CPS1: variants seen among roughly 807,000 people sequenced by gnomAD.
CPS1 encodes carbamoyl-phosphate synthase 1.
Under a neutral mutation model 174.6 loss-of-function variants are expected in CPS1, and 109 were observed. That is an observed-to-expected ratio of 0.62 (90% CI 0.53 to 0.73). The LOEUF (loss-of-function observed/expected upper bound fraction) is 0.73, where lower values mean the gene tolerates loss of function less well. CPS1 is among the 30% of genes least tolerant of loss of function. The pLI, the probability that CPS1 is intolerant of heterozygous loss-of-function variation, is 0.00. For synonymous variants in CPS1, 637 were observed against 632.0 expected (o/e 1.01, Z -0.12); for missense variants, 1,689 against 1,821.9 (o/e 0.93, Z 1.33).
intron 17 of CPS1, 77 bp downstream of exon 17, chr2:210,605,323 T>G (rs1698870770): frequency 1.3e-6 from 2 of 1,522,482 alleles, no homozygotes; most frequent in Middle Eastern, 1.7e-4. Context: ...CTTTATAAAG[T>G]TGTTGCCTTT....
intron 29 of CPS1, 22 bp from the exon 30 acceptor site, chr2:210,656,503 C>T: frequency 8.0e-7 from 1 of 1,253,844 alleles, no homozygotes; most frequent in African/African-American, 1.7e-5. Flanking sequence ...TTCTAAAATC[C>T]TTTTTTTTTT....
intron 1 of CPS1, among the ~76,000 whole-genome samples, chr2:210,544,861 CT>C (rs1387003488): frequency 6.6e-5 from 10 of 151,800 alleles, no homozygotes; most frequent in Non-Finnish European, 1.5e-5. Context: ...AATACGTTGA[CT>C]TTGAGAATTT....
chr2:210,616,469 A>G lies in CPS1; in HGVS notation c.2615A>G (p.Tyr872Cys). ...CTTGATGAGATTGAGAAGCTCACAT[A>G]CATTGACAAGTGGTTTTTGTATAAG... ...MSLDEIEKLT[Y>C]IDKWFLYKMR... Residue 872 changes from tyrosine (Y) to cysteine (C), a missense_variant, in exon 21 of 38, where the codon TAC (tyrosine) becomes TGC (cysteine). Physicochemically the swap from Tyr to Cys is radical, Grantham distance 194. Coordinates refer to ENST00000233072, the MANE Select transcript of CPS1 (RefSeq NM_001875.5). 6.2e-7 allele frequency: 1 copy of G among 1,612,478 alleles called. No individual in the cohort carries two copies. Among genetic ancestry groups the G allele is most frequent in the Admixed American group, 1.7e-5 (1 of 59,860 alleles).
At chr2:210,595,645 TATA>T (rs1214544693) in intron 13 of CPS1, 63 bp downstream of exon 13, 2 of 1,141,046 alleles carry the variant, frequency 1.8e-6, no homozygotes, top group African/African-American at 3.1e-5. Flanking sequence ...ATTAGTATTT[TATA>T]ATTTAGATTT....
intron 34 of CPS1, among the ~76,000 whole-genome samples, chr2:210,670,316 A>T (rs993794220): frequency 6.6e-6 from 1 of 152,152 alleles, no homozygotes; most frequent in Non-Finnish European, 1.5e-5. Flanking sequence ...TCATTACTAT[A>T]TGTAGGATTT....
chr2:210,584,880 A>G (rs1011533163), intron 6 of CPS1, among the ~76,000 whole-genome samples: 22 of 152,002 alleles, frequency 1.4e-4, no homozygotes, highest in African/African-American at 4.3e-4. Flanking sequence ...CCAATTTTCT[A>G]TTTGGCCTGC....
At chr2:210,486,474 C>T (rs184964810) in intron 1 of CPS1, among the ~76,000 whole-genome samples, 37 of 152,198 alleles carry the variant, frequency 2.4e-4, no homozygotes, top group Non-Finnish European at 4.0e-4. Context: ...TATCATCTTA[C>T]GTTTTATATC....
intron 15 of CPS1, among the ~76,000 whole-genome samples, chr2:210,601,695 T>C (rs1698731695): frequency 6.6e-6 from 1 of 151,584 alleles, no homozygotes; most frequent in South Asian, 2.1e-4. Context: ...TTCTGTAAGT[T>C]AAAAAAAAGA....
At chr2:210,634,882 A>C (rs1027993535) in intron 21 of CPS1, among the ~76,000 whole-genome samples, 1 of 152,150 alleles carries the variant, frequency 6.6e-6, no homozygotes, top group Non-Finnish European at 1.5e-5. Context: ...GCTCTCAAAC[A>C]ATAGCCAATA....
rs2105956382 is a variant in CPS1, at chr2:210,495,745, A to G, written c.3+17979A>G. On this transcript the variant is annotated intron_variant, in intron 1 of 38. Coordinates refer to the CPS1 transcript ENST00000430249. ...TAGGTGTAAAGTTTTGGAAAAGAGT[A>G]TATGAAGAAAAGTACTCAGTAGGCA... Among the ~76,000 whole-genome samples the G allele has an allele frequency of 1.3e-5, 2 of 152,348 alleles. 1 individual carries two copies. The highest frequency in any genetic ancestry group is 4.1e-4 in the South Asian group (2 of 4,830).
chr2:210,581,640 C>G (rs1000523520), intron 5 of CPS1, among the ~76,000 whole-genome samples: 1 of 152,134 alleles, frequency 6.6e-6, no homozygotes, highest in Non-Finnish European at 1.5e-5. Context: ...TAGTAATCTA[C>G]TATGGAAGTG....
intron 1 of CPS1, among the ~76,000 whole-genome samples, chr2:210,541,591 G>A (rs571228078): frequency 1.3e-5 from 2 of 152,190 alleles, no homozygotes; most frequent in Non-Finnish European, 2.9e-5. Flanking sequence ...TTGATCAGTT[G>A]TGCTGACTAA....
chr2:210,587,462 G>A (rs2106102637), intron 6 of CPS1, among the ~76,000 whole-genome samples: 1 of 152,140 alleles, frequency 6.6e-6, no homozygotes, highest in South Asian at 2.1e-4. Context: ...ATTATGATAT[G>A]CTCTGGGATC....
chr2:210,636,469 T>G (rs115525066), intron 21 of CPS1, among the ~76,000 whole-genome samples: 3,015 of 152,018 alleles, frequency 0.02, 55 homozygotes, highest in Admixed American at 0.042. Flanking sequence ...TTTATTTATT[T>G]TCATAAATAT....
At chr2:210,485,079 A>T (rs532600544) in intron 1 of CPS1, among the ~76,000 whole-genome samples, 66 of 151,930 alleles carry the variant, frequency 4.3e-4, no homozygotes, top group Non-Finnish European at 7.5e-4. Flanking sequence ...ATACAAAAAA[A>T]AATTAGCCGG....
chr2:210,535,819 GTTT>G lies in CPS1; in HGVS notation c.4-20882_4-20880del, dbSNP rs67369344. Among the ~76,000 whole-genome samples the G allele has an allele frequency of 2.0e-3, 239 of 118,168 alleles. 1 individual carries two copies. The East Asian group carries it at 0.037, about 19-fold the overall frequency. The allele number at this position is 118,168 out of a possible 152,430, so 77.5% of individuals were successfully genotyped here. A position where few individuals can be genotyped will look rare whatever the true frequency, so the allele number is the denominator to read the frequency against. ...TTTAGTCCCTTCTCCCTTTTTCCTT[GTTT>G]TTTTTTTTTTTTTTTTTGATAATGA... On this transcript the variant is annotated intron_variant, in intron 1 of 38. Coordinates refer to the CPS1 transcript ENST00000430249.
chr2:210,537,546 C>T (rs962356740), intron 1 of CPS1, among the ~76,000 whole-genome samples: 1 of 152,200 alleles, frequency 6.6e-6, no homozygotes, highest in Non-Finnish European at 1.5e-5. Context: ...CTAGGTGTTA[C>T]AGGTGTACTG....
rs759448443 is a variant in CPS1, at chr2:210,600,575, G to C, written c.1570G>C (p.Gly524Arg). The C allele has an allele frequency of 1.2e-6, 2 of 1,612,140 alleles. No homozygotes were observed. The highest frequency in any genetic ancestry group is 1.1e-5 in the South Asian group (1 of 91,022). Residue 524 changes from glycine (G) to arginine (R), a missense_variant, in exon 15 of 38, where the codon GGT becomes CGT. By Grantham distance (125) the Gly-to-Arg change is moderately radical (BLOSUM62 -2). Transcript: ENST00000233072. Reference protein sequence around the residue: ...LNCGVELFKRGVLKEYGVKVL... With the variant: ...LNCGVELFKRRVLKEYGVKVL... ...TTTAGGAGTGGAACTATTCAAGAGAGGTGTGCTCAAGGAATATGGTGTGAA... is the reference window on the plus strand; with the variant it reads ...TTTAGGAGTGGAACTATTCAAGAGACGTGTGCTCAAGGAATATGGTGTGAA...
chr2:210,577,290 C>CTTTTTT, intron 3 of CPS1, 131 bp from the exon 4 acceptor site: 1 of 729,364 alleles, frequency 1.4e-6, no homozygotes, highest in Non-Finnish European at 2.4e-6. Flanking sequence ...TTTTTTTTGC[C>CTTTTTT]TCTTGTTTTT....
Sources: gnomAD v4.1 joint callset for allele counts (sites outside exome capture counted in the v4.1 genomes callset) on GRCh38, gnomAD v4.1.1 for gene constraint, MANE v1.5 for transcripts, NCBI Gene and HGNC (gene_info 2026-07-23, HGNC 2026-07-21) for gene names.